Variants in SMIM3 observed in about 807,000 individuals in gnomAD.
SMIM3 encodes NGF-induced differentiation clone 67 protein.
In SMIM3, 4 loss-of-function variants were observed where a neutral mutation model predicts 2.1. The ratio of observed to expected loss-of-function variants is 1.89; its 90% CI spans 0.93 to 4.31. The LOEUF is 4.31. Among genes scored for constraint, SMIM3 ranks in the 30% most tolerant of loss-of-function variants. The probability of loss-of-function intolerance (pLI) is 0.01; values close to 1 mark genes in which losing one functional copy is unlikely to be tolerated. For synonymous variants in SMIM3, 29 were observed against 30.8 expected, an observed-to-expected ratio of 0.94 and a Z score of 0.19; for missense variants, 79 against 77.7, an observed-to-expected ratio of 1.02 and a Z score of -0.06.
intron 1 of SMIM3, among the ~76,000 whole-genome samples, chr5:150,788,999 A>G (rs1753321594): frequency 6.6e-6 from 1 of 152,212 alleles, no homozygotes; most frequent in African/African-American, 2.4e-5. Flanking sequence ...CAGATAAAGT[A>G]TGCTGGTTCA....
intron 1 of SMIM3, among the ~76,000 whole-genome samples, chr5:150,779,853 T>G (rs73280105): frequency 0.14 from 14,169 of 100,852 alleles, 1,084 homozygotes; most frequent in East Asian, 0.34. Flanking sequence ...CCCCACAAAT[T>G]GAAACAAACC....
Position 150,795,817 on chromosome 5 carries a change from T to G in SMIM3, c.*194T>G. The G allele has an allele frequency of 1.6e-6, 1 of 613,810 alleles. No individual in the cohort carries two copies. The highest frequency in any genetic ancestry group is 2.8e-6 in the Non-Finnish European group (1 of 353,154). The allele number at this position is 613,810 out of a possible 1,614,324, so 38.0% of individuals were successfully genotyped here. On this transcript the variant is annotated 3_prime_UTR_variant, in exon 2 of 2. Coordinates refer to ENST00000526627, the MANE Select transcript of SMIM3 (RefSeq NM_032947.5). ...AGTTCCAGGTTCCTTATCTTTCAAATGGGGATGGTGATCCCTGCCCTTTCT... is the reference window on the plus strand; with the variant it reads ...AGTTCCAGGTTCCTTATCTTTCAAAGGGGGATGGTGATCCCTGCCCTTTCT...
At chr5:150,779,480 T>C (rs1753209407) in intron 1 of SMIM3, among the ~76,000 whole-genome samples, 1 of 152,228 alleles carries the variant, frequency 6.6e-6, no homozygotes, top group Non-Finnish European at 1.5e-5. Context: ...AGTGGCGGGT[T>C]CCAGCCCTGG....
chr5:150,792,600 T>C (rs557961202), intron 1 of SMIM3, among the ~76,000 whole-genome samples: 1 of 152,314 alleles, frequency 6.6e-6, no homozygotes, highest in South Asian at 2.1e-4. Flanking sequence ...AGTGGTGTGA[T>C]CATGGCTCAC....
At chr5:150,794,972 A>G (rs1031496757) in intron 1 of SMIM3, among the ~76,000 whole-genome samples, 2 of 152,188 alleles carry the variant, frequency 1.3e-5, no homozygotes, top group Admixed American at 6.5e-5. Context: ...GTATAGGACC[A>G]AAAACAATGC....
intron 1 of SMIM3, 100 bp from the exon 2 acceptor site, chr5:150,795,330 T>A (rs67669533): frequency 1.6e-6 from 2 of 1,228,692 alleles, no homozygotes; most frequent in East Asian, 4.6e-5. Flanking sequence ...TTTACATATC[T>A]GGTAAGTGAC....
chr5:150,795,248 T>C (rs79780973), intron 1 of SMIM3, among the ~76,000 whole-genome samples, 182 bp from the exon 2 acceptor site: 13,409 of 152,266 alleles, frequency 0.088, 975 homozygotes, highest in East Asian at 0.41. Flanking sequence ...ATAAAGTGTC[T>C]AGCACAGGTC....
chr5:150,784,866 C>T (rs1286551708), intron 1 of SMIM3, among the ~76,000 whole-genome samples: 3 of 151,884 alleles, frequency 2.0e-5, no homozygotes, highest in South Asian at 2.1e-4. Context: ...TCCTGTTTTC[C>T]GCTGGAAATT....
At chr5:150,784,220 A>T (rs1270129941) in intron 1 of SMIM3, among the ~76,000 whole-genome samples, 1 of 152,152 alleles carries the variant, frequency 6.6e-6, no homozygotes, top group Non-Finnish European at 1.5e-5. Context: ...TGTGTACCAG[A>T]CGTTGTCCTA....
intron 1 of SMIM3, among the ~76,000 whole-genome samples, chr5:150,791,867 T>TACA (rs1753353321): frequency 1.4e-4 from 22 of 152,242 alleles, no homozygotes; most frequent in Admixed American, 1.4e-3. Context: ...TTAAGTAAAT[T>TACA]AATATTTGTA....
chr5:150,780,253 A>G (rs1445031256), intron 1 of SMIM3, among the ~76,000 whole-genome samples: 1 of 152,104 alleles, frequency 6.6e-6, no homozygotes, highest in African/African-American at 2.4e-5. Flanking sequence ...AAATGAAGAC[A>G]TGGGAGTGGA....
Position 150,795,772 on chromosome 5 carries a change from T to C in SMIM3, c.*149T>C, listed in dbSNP as rs1431299848. ...CCACGAGCCAGCTGTGTGAATTTGG[T>C]CAAGGGACCTAACTCTCTGAGTTCC... On this transcript the variant is annotated 3_prime_UTR_variant, in exon 2 of 2. Coordinates refer to ENST00000526627, the MANE Select transcript of SMIM3 (RefSeq NM_032947.5). 8.6e-6 allele frequency: 7 copies of C among 817,816 alleles called. No individual in the cohort carries two copies. The highest frequency in any genetic ancestry group is 1.7e-5 in the African/African-American group (1 of 57,886). The allele number at this position is 817,816 out of a possible 1,614,324, so 50.7% of individuals were successfully genotyped here.
chr5:150,788,517 C>T (rs1753315729), intron 1 of SMIM3, among the ~76,000 whole-genome samples: 1 of 151,622 alleles, frequency 6.6e-6, no homozygotes, highest in Admixed American at 6.6e-5. Context: ...CACCTGTAGT[C>T]CCAGCTACTC....
intron 1 of SMIM3, among the ~76,000 whole-genome samples, chr5:150,785,944 C>T (rs752725415): frequency 4.6e-5 from 7 of 152,122 alleles, no homozygotes. Context: ...GTTCATGGGA[C>T]ATCTTTAGTA....
At chr5:150,785,513 CTT>C (rs1193965839) in intron 1 of SMIM3, among the ~76,000 whole-genome samples, 1 of 149,020 alleles carries the variant, frequency 6.7e-6, no homozygotes, top group African/African-American at 2.5e-5. Flanking sequence ...AACTGTTTCT[CTT>C]TTAAAGATAT....
At chr5:150,781,038 G>C (rs572409661) in intron 1 of SMIM3, among the ~76,000 whole-genome samples, 2 of 152,280 alleles carry the variant, frequency 1.3e-5, no homozygotes, top group South Asian at 2.1e-4. Context: ...AACTCATTTA[G>C]GCTTTACCAC....
chr5:150,779,829 A>ACCCCCCCCCCCCCCC (rs5872180), intron 1 of SMIM3, among the ~76,000 whole-genome samples: 1 of 111,024 alleles, frequency 9.0e-6, no homozygotes, highest in Non-Finnish European at 1.9e-5. Flanking sequence ...GAAAGGTGTA[A>ACCCCCCCCCCCCCCC]CCCCCCCCGC....
At chr5:150,791,961 T>C (rs1252642215) in intron 1 of SMIM3, among the ~76,000 whole-genome samples, 1 of 152,252 alleles carries the variant, frequency 6.6e-6, no homozygotes, top group Non-Finnish European at 1.5e-5. Flanking sequence ...AATGAATACA[T>C]GAAAATTGTT....
chr5:150,778,768 C>T lies in SMIM3; in HGVS notation c.-216C>T. 1 of 456,652 alleles carries T rather than the reference C, an allele frequency of 2.2e-6. No homozygotes were observed. Among genetic ancestry groups the T allele is most frequent in the South Asian group, 1.6e-5 (1 of 62,672 alleles). 28.3% of individuals were successfully genotyped at this position (456,652 alleles called of 1,614,324 possible). The stretch of plus-strand genomic sequence containing the variant: ...TCCCCAGCAGCCGCGCATTCCAGAG[C>T]CAGCAGCGCGTCCTGGCCGCTCCTG... On this transcript the variant is annotated 5_prime_UTR_variant, in exon 1 of 2. Transcript: ENST00000526627.
Sources: gnomAD v4.1 joint callset for allele counts (sites outside exome capture counted in the v4.1 genomes callset) on GRCh38, gnomAD v4.1.1 for gene constraint, MANE v1.5 for transcripts, NCBI Gene and HGNC (gene_info 2026-07-23, HGNC 2026-07-21) for gene names.